Variants in FGF14 observed in about 807,000 individuals in gnomAD.
FGF14 encodes the protein fibroblast growth factor 14.
A neutral mutation model predicts 25.5 loss-of-function variants in FGF14; 5 were observed. The ratio of observed to expected loss-of-function variants is 0.20; its 90% CI spans 0.10 to 0.41. FGF14 has a LOEUF of 0.41. Among genes scored for constraint, FGF14 ranks in the 10% least tolerant of loss-of-function variants. FGF14 has a pLI of 1.00. For missense variants in FGF14, 222 were observed against 320.1 expected (o/e 0.69, Z 2.34); for synonymous variants, 138 against 118.3 (o/e 1.17, Z -1.08).
chr13:102,182,626 C>G (rs1203816670), intron 1 of FGF14, among the ~76,000 whole-genome samples: 1 of 152,078 alleles, frequency 6.6e-6, no homozygotes, highest in Non-Finnish European at 1.5e-5. Context: ...GATTTTGCAT[C>G]TTGGCCCATA....
intron 1 of FGF14, among the ~76,000 whole-genome samples, chr13:101,965,109 C>T (rs953509448): frequency 1.5e-4 from 23 of 152,038 alleles, no homozygotes; most frequent in African/African-American, 5.1e-4. Flanking sequence ...ATTAGCTGGG[C>T]GAGGTGGGAG....
intron 1 of FGF14, among the ~76,000 whole-genome samples, chr13:102,074,364 T>C (rs1480767682): frequency 2.0e-5 from 3 of 152,236 alleles, no homozygotes; most frequent in East Asian, 3.9e-4. Context: ...GGGGGAAAAA[T>C]ATCGTATTCT....
intron 1 of FGF14, among the ~76,000 whole-genome samples, chr13:102,103,200 A>T (rs2044742284): frequency 6.6e-6 from 1 of 152,154 alleles, no homozygotes; most frequent in Non-Finnish European, 1.5e-5. Context: ...ATGAATACCA[A>T]TGGTAAGTCA....
Position 101,722,478 on chromosome 13 carries a change from A to AG in FGF14, c.*352dup. 2.9e-6 allele frequency: 1 copy of AG among 347,850 alleles called. No homozygotes were observed. The highest frequency in any genetic ancestry group is 5.5e-6 in the Non-Finnish European group (1 of 180,404). 21.5% of individuals were successfully genotyped at this position (347,850 alleles called of 1,614,324 possible). ...TTAAACACATAGATTTCGCTGAAACAGGACTCAAAAAGGATTATGGGTAGC... is the reference window on the plus strand; with the variant it reads ...TTAAACACATAGATTTCGCTGAAACAGGGACTCAAAAAGGATTATGGGTAGC... On this transcript the variant is annotated 3_prime_UTR_variant, in exon 5 of 5. Transcript: ENST00000376143.
intron 1 of FGF14, among the ~76,000 whole-genome samples, chr13:102,320,419 T>G (rs1478323102): frequency 6.6e-6 from 1 of 152,164 alleles, no homozygotes; most frequent in Non-Finnish European, 1.5e-5. Flanking sequence ...CTGGCATGCA[T>G]TCAGTTGGTG....
chr13:102,397,298 G>A (rs2058607694), intron 1 of FGF14, among the ~76,000 whole-genome samples: 1 of 152,172 alleles, frequency 6.6e-6, no homozygotes, highest in Admixed American at 6.5e-5. Flanking sequence ...ACAGCTTAGT[G>A]AAAGGCAAAA....
At chr13:102,181,439 A>C (rs2048671072) in intron 1 of FGF14, among the ~76,000 whole-genome samples, 1 of 152,152 alleles carries the variant, frequency 6.6e-6, no homozygotes. Flanking sequence ...CTTTATTTGG[A>C]AAAAGGGGTT....
chr13:101,931,573 T>C (rs1378054068), intron 1 of FGF14, among the ~76,000 whole-genome samples: 1 of 152,188 alleles, frequency 6.6e-6, no homozygotes, highest in Non-Finnish European at 1.5e-5. Flanking sequence ...TCAGGGACTT[T>C]GTTTTGTTCA....
At chr13:102,309,947 G>A (rs1035194842) in intron 1 of FGF14, among the ~76,000 whole-genome samples, 3 of 152,122 alleles carry the variant, frequency 2.0e-5, no homozygotes, top group African/African-American at 7.2e-5. Context: ...AGGTCTCCAT[G>A]ACCTTTAATT....
chr13:102,366,549 T>C (rs1199486039), intron 1 of FGF14: 1 of 144,872 alleles, frequency 6.9e-6, no homozygotes, highest in Non-Finnish European at 1.5e-5. Context: ...GGGAGCCCCC[T>C]CTTTACACAA....
At position 102,338,344 on chromosome 13, in the gene FGF14, T is replaced by G. The variant is rs569312030; in HGVS notation, c.208+63127A>C. On this transcript the variant is annotated intron_variant, in intron 1 of 4. Transcript: ENST00000376131. Reference sequence around the variant, plus strand: ...GCCCCCCCTTCTGCCCAGCTTAGGATGTAAACAGTTAAGTTTCTGCTTCCT... The same window carrying G: ...GCCCCCCCTTCTGCCCAGCTTAGGAGGTAAACAGTTAAGTTTCTGCTTCCT... Among the ~76,000 whole-genome samples the G allele has an allele frequency of 2.2e-4, 33 of 152,290 alleles. 2 individuals are homozygous for G. The South Asian group carries it at 6.8e-3, about 32-fold the overall frequency.
chr13:101,999,688 G>A (rs1272486775), intron 1 of FGF14, among the ~76,000 whole-genome samples: 3 of 152,112 alleles, frequency 2.0e-5, no homozygotes. Flanking sequence ...AAATGTCAGA[G>A]CTAAAGGAGC....
At chr13:101,772,483 ATTTTC>A in intron 3 of FGF14, among the ~76,000 whole-genome samples, 1 of 152,000 alleles carries the variant, frequency 6.6e-6, no homozygotes, top group Non-Finnish European at 1.5e-5. Context: ...TGCTCTCTTT[ATTTTC>A]TTTTCTCTCA....
intron 1 of FGF14, among the ~76,000 whole-genome samples, chr13:102,065,459 T>C (rs1417284954): frequency 6.6e-6 from 1 of 152,106 alleles, no homozygotes; most frequent in Non-Finnish European, 1.5e-5. Flanking sequence ...GGTACATTGG[T>C]ATCCCTAGAG....
chr13:101,828,228 A>G (rs748030650), intron 3 of FGF14, among the ~76,000 whole-genome samples: 1 of 152,022 alleles, frequency 6.6e-6, no homozygotes, highest in Non-Finnish European at 1.5e-5. Context: ...TTACAAGTCA[A>G]TCTGCAGACG....
intron 1 of FGF14, among the ~76,000 whole-genome samples, chr13:102,128,969 G>A (rs533965843): frequency 6.6e-6 from 1 of 152,168 alleles, no homozygotes; most frequent in Non-Finnish European, 1.5e-5. Context: ...TGTAATCTCA[G>A]ATAGTTGGGA....
rs138923657 is a variant in FGF14, at chr13:101,908,924, A to G, written c.193+7529T>C. On this transcript the variant is annotated intron_variant, in intron 1 of 4. Coordinates refer to ENST00000376143, the MANE Select transcript of FGF14 (RefSeq NM_004115.4). ...ATGAATGGAACAGAACAGAGCCCTC[A>G]GAAATAATGCCACATATCCACAACT... is the stretch of plus-strand genomic sequence containing the variant. 4.3e-3 allele frequency among the ~76,000 whole-genome samples: 655 copies of G among 152,358 alleles called. 3 individuals carry two copies. The highest frequency in any genetic ancestry group is 0.015 in the African/African-American group (621 of 41,582).
chr13:102,372,917 C>A (rs1330471552), intron 1 of FGF14, among the ~76,000 whole-genome samples: 1 of 152,108 alleles, frequency 6.6e-6, no homozygotes, highest in Non-Finnish European at 1.5e-5. Flanking sequence ...ATTCTTTCTA[C>A]TGTAAAAATA....
At chr13:102,362,839 G>A (rs1370831137) in intron 1 of FGF14, among the ~76,000 whole-genome samples, 1 of 152,092 alleles carries the variant, frequency 6.6e-6, no homozygotes, top group Non-Finnish European at 1.5e-5. Context: ...TAACGATTTT[G>A]CAGGGTAAAA....
Sources: allele counts gnomAD v4.1 joint callset (sites outside exome capture counted in the v4.1 genomes callset), GRCh38; gene constraint gnomAD v4.1.1; transcripts MANE v1.5; gene names NCBI Gene and HGNC (gene_info 2026-07-23, HGNC 2026-07-21).